PLCG2: variants seen among roughly 807,000 people sequenced by gnomAD.
PLCG2 encodes the protein 1-phosphatidylinositol 4,5-bisphosphate phosphodiesterase gamma-2.
In PLCG2, 69 loss-of-function variants were observed where a neutral mutation model predicts 175.6. That is an observed-to-expected ratio of 0.39 (90% CI 0.32 to 0.48). The LOEUF is 0.48. PLCG2 is among the 20% of genes least tolerant of loss of function. The pLI, the probability that PLCG2 is intolerant of heterozygous loss-of-function variation, is 0.91. For synonymous variants in PLCG2, 827 were observed against 624.0 expected, an observed-to-expected ratio of 1.33 and a Z score of -4.85; for missense variants, 1,798 against 1,650.9, an observed-to-expected ratio of 1.09 and a Z score of -1.54.
At chr16:81,804,870 G>C (rs1911920764) in intron 2 of PLCG2, among the ~76,000 whole-genome samples, 1 of 152,340 alleles carries the variant, frequency 6.6e-6, no homozygotes. Context: ...CTTGGGAGCA[G>C]TATTGAGCAT....
intron 7 of PLCG2, 26 bp downstream of exon 7, chr16:81,870,961 C>G (rs749344948): frequency 2.4e-6 from 3 of 1,250,060 alleles, no homozygotes; most frequent in South Asian, 2.6e-5. Flanking sequence ...AGCAAGTGAT[C>G]AAGTGATGTT....
rs556317024 is a variant in PLCG2, at chr16:81,887,896, C to G, written c.766-1276C>G. ...TTTTTTTAAAGGGTTTCTAGAATGT[C>G]TAGGACTGTGCAGCAGCTGCTTTGG... On this transcript the variant is annotated intron_variant, in intron 9 of 32. Transcript: ENST00000564138. 3.9e-5 allele frequency among the ~76,000 whole-genome samples: 6 copies of G among 152,306 alleles called. No homozygotes were observed. The South Asian group carries it at 1.2e-3, about 32-fold the overall frequency.
At chr16:81,772,152 G>A (rs1910295289) in intron 2 of PLCG2, among the ~76,000 whole-genome samples, 1 of 152,118 alleles carries the variant, frequency 6.6e-6, no homozygotes, top group Admixed American at 6.5e-5. Flanking sequence ...GATTCAGGGT[G>A]GACACTCAAT....
chr16:81,931,315 C>G, intron 24 of PLCG2, 182 bp from the exon 25 acceptor site: 1 of 496,256 alleles, frequency 2.0e-6, no homozygotes, highest in Non-Finnish European at 3.6e-6. Flanking sequence ...CTACTGCATC[C>G]CTTGAGTAGT....
At chr16:81,902,015 G>A (rs1173199850) in intron 14 of PLCG2, among the ~76,000 whole-genome samples, 1 of 152,168 alleles carries the variant, frequency 6.6e-6, no homozygotes, top group Admixed American at 6.5e-5. Context: ...TGTGGTGGAC[G>A]CTTGGTCTCA....
At position 81,962,397 on chromosome 16, in the gene PLCG2, T is replaced by C. The variant is rs1283616445; in HGVS notation, c.*4399T>C. 1 of 212,274 alleles carries C rather than the reference T, an allele frequency of 4.7e-6. No homozygotes were observed. The highest frequency in any genetic ancestry group is 9.5e-6 in the Non-Finnish European group (1 of 105,104). 13.1% of individuals were successfully genotyped at this position (212,274 alleles called of 1,614,324 possible). On this transcript the variant is annotated 3_prime_UTR_variant, in exon 33 of 33. Coordinates refer to ENST00000564138, the MANE Select transcript of PLCG2 (RefSeq NM_002661.5). ...ATTGGCATTTAAAAATACTCAATAATTTGTCCCTGGTTTTTAATTTTCAAA... is the reference window on the plus strand; with the variant it reads ...ATTGGCATTTAAAAATACTCAATAACTTGTCCCTGGTTTTTAATTTTCAAA...
chr16:81,894,343 C>T (rs531891425), intron 12 of PLCG2, among the ~76,000 whole-genome samples: 9 of 152,164 alleles, frequency 5.9e-5, no homozygotes, highest in Non-Finnish European at 8.8e-5. Context: ...GTGGGAGGAT[C>T]GCTTGAGCCC....
intron 2 of PLCG2, among the ~76,000 whole-genome samples, chr16:81,807,082 T>A (rs1296898553): frequency 6.6e-6 from 1 of 152,156 alleles, no homozygotes; most frequent in African/African-American, 2.4e-5. Context: ...GCTTCCTAGG[T>A]CATGTTTCAA....
At position 81,921,184 on chromosome 16, in the gene PLCG2, CTT is replaced by C; in HGVS notation, c.2236-6_2236-5del. On this transcript the variant is annotated splice_polypyrimidine_tract_variant and intron_variant, in intron 20 of 32. Coordinates refer to ENST00000564138, the MANE Select transcript of PLCG2 (RefSeq NM_002661.5). ...CATGGATTATTCCATTTCTTTCTTT[CTT>C]TTTTTTTCCAGGAAAGAGATATAAA... is the stretch of plus-strand genomic sequence containing the variant. 1 of 1,496,890 alleles carries C rather than the reference CTT, an allele frequency of 6.7e-7. No homozygotes were observed. The highest frequency in any genetic ancestry group is 9.3e-7 in the Non-Finnish European group (1 of 1,075,286). 92.7% of individuals were successfully genotyped at this position (1,496,890 alleles called of 1,614,324 possible).
chr16:81,908,297 G>A, intron 16 of PLCG2, 119 bp from the exon 17 acceptor site: 1 of 888,256 alleles, frequency 1.1e-6, no homozygotes, highest in Non-Finnish European at 1.7e-6. Flanking sequence ...GGGACCAGCT[G>A]AGGCTGGCCT....
intron 12 of PLCG2, among the ~76,000 whole-genome samples, chr16:81,894,311 C>T (rs1908780863): frequency 6.6e-6 from 1 of 152,192 alleles, no homozygotes; most frequent in East Asian, 1.9e-4. Context: ...CGCCTGTGGT[C>T]CCAACAACTT....
intron 19 of PLCG2, among the ~76,000 whole-genome samples, chr16:81,913,806 C>G (rs1488888787): frequency 6.6e-6 from 1 of 152,206 alleles, no homozygotes; most frequent in Non-Finnish European, 1.5e-5. Context: ...CCTGGTGACC[C>G]TGCCAGGCTG....
intron 7 of PLCG2, among the ~76,000 whole-genome samples, chr16:81,876,874 C>A (rs1029124707): frequency 6.6e-6 from 1 of 152,202 alleles, no homozygotes; most frequent in Non-Finnish European, 1.5e-5. Flanking sequence ...CTAGAATATT[C>A]TGTGATTGCT....
chr16:81,873,357 C>G (rs1210515052), intron 7 of PLCG2, among the ~76,000 whole-genome samples: 3 of 152,214 alleles, frequency 2.0e-5, no homozygotes, highest in Non-Finnish European at 4.4e-5. Flanking sequence ...TATCAGAATA[C>G]TTTTTAAGGT....
intron 9 of PLCG2, among the ~76,000 whole-genome samples, chr16:81,888,212 G>A (rs1161134047): frequency 1.3e-5 from 2 of 152,172 alleles, no homozygotes; most frequent in Admixed American, 6.5e-5. Context: ...CACGGTCAGA[G>A]TACTTTCTTT....
intron 2 of PLCG2, among the ~76,000 whole-genome samples, chr16:81,789,852 T>C (rs7202834): frequency 0.27 from 37,344 of 140,682 alleles, 5,465 homozygotes; most frequent in East Asian, 0.68. Context: ...TTGCCCCCCC[T>C]CCATTGCCTC....
chr16:81,943,321 C>A (rs1019946772), intron 30 of PLCG2, among the ~76,000 whole-genome samples: 1 of 152,080 alleles, frequency 6.6e-6, no homozygotes, highest in African/African-American at 2.4e-5. Context: ...AATTTACAAT[C>A]CTGGTAGAAG....
At chr16:81,816,169 G>C (rs927000360) in intron 2 of PLCG2, among the ~76,000 whole-genome samples, 1 of 152,046 alleles carries the variant, frequency 6.6e-6, no homozygotes, top group Non-Finnish European at 1.5e-5. Context: ...TCAGGAGTTC[G>C]AGACCAGCCT....
At chr16:81,904,256 G>A (rs1359480028) in intron 14 of PLCG2, among the ~76,000 whole-genome samples, 2 of 152,120 alleles carry the variant, frequency 1.3e-5, no homozygotes, top group African/African-American at 2.4e-5. Flanking sequence ...GGGCTGCCAC[G>A]TCCCGATTTT....
Sources: gnomAD v4.1 joint callset for allele counts (sites outside exome capture counted in the v4.1 genomes callset) on GRCh38, gnomAD v4.1.1 for gene constraint, MANE v1.5 for transcripts, NCBI Gene and HGNC (gene_info 2026-07-23, HGNC 2026-07-21) for gene names.